Variants in MAP3K4 observed in about 807,000 individuals in gnomAD.
MAP3K4 encodes the protein MAP three kinase 1.
MAP3K4 carries 67 observed loss-of-function variants against 185.6 expected under a neutral mutation model. The ratio of observed to expected loss-of-function variants is 0.36; its 90% CI spans 0.30 to 0.44. The LOEUF (loss-of-function observed/expected upper bound fraction) is 0.44. MAP3K4 is among the 20% of genes least tolerant of loss of function. The pLI, the probability that MAP3K4 is intolerant of heterozygous loss-of-function variation, is 1.00. For missense variants in MAP3K4, 1,551 were observed against 1,995.1 expected, an observed-to-expected ratio of 0.78 and a Z score of 4.24; for synonymous variants, 702 against 710.4, an observed-to-expected ratio of 0.99 and a Z score of 0.19.
At position 161,073,875 on chromosome 6, in the gene MAP3K4, C is replaced by T. The variant is rs1400318656; in HGVS notation, c.2097+263C>T. On this transcript the variant is annotated intron_variant, in intron 5 of 26. Coordinates refer to ENST00000392142, the MANE Select transcript of MAP3K4 (RefSeq NM_005922.4). This position sits in a 1 kb window ranked among gnomAD's most constrained non-coding sequence, Gnocchi z 4.2. ...CTGAAATCCACATTTAAAAAATTCT[C>T]AATTGTTTTTAAGTTGGAAGTTTTT... Among the ~76,000 whole-genome samples the T allele has an allele frequency of 6.6e-6, 1 of 152,098 alleles. No homozygotes were observed. Among genetic ancestry groups the T allele is most frequent in the Non-Finnish European group, 1.5e-5 (1 of 68,018 alleles).
rs186779562 is a variant in MAP3K4 at position 161,024,695 on chromosome 6, A to G, written c.153-9564A>G. Among the ~76,000 whole-genome samples, 447 of 152,282 alleles carry G rather than the reference A, an allele frequency of 2.9e-3. 4 individuals carry two copies. Among genetic ancestry groups the G allele is most frequent in the African/African-American group, 0.01 (432 of 41,548 alleles). On this transcript the variant is annotated intron_variant, in intron 1 of 26. Transcript: ENST00000392142. ...ACCACAGAGATTAAGTGACCTTGTC[A>G]TCATATCATATCAGGGGCACGTGCT...
rs561540235 is a variant in MAP3K4, at chr6:161,035,790, C to T, written c.343+1341C>T. On this transcript the variant is annotated intron_variant, in intron 2 of 26. Coordinates refer to ENST00000392142, the MANE Select transcript of MAP3K4 (RefSeq NM_005922.4). ...AACATTAGTTAATAAATATTTGCTT[C>T]GTGTTAGTAAAGTAAGAAGATGCCG... Among the ~76,000 whole-genome samples, 182 of 152,264 alleles carry T rather than the reference C, an allele frequency of 1.2e-3. 1 individual carries two copies. The highest frequency in any genetic ancestry group is 4.1e-3 in the African/African-American group (171 of 41,532).
At position 161,106,554 on chromosome 6, in the gene MAP3K4, G is replaced by C. The variant is rs1333947349; in HGVS notation, c.3897G>C (p.Lys1299Asn). ...SKLGPIEAIQKSVRLFEEKRY... is the reference protein window; with the variant it reads ...SKLGPIEAIQNSVRLFEEKRY... ...TAGGACCCATAGAAGCTATCCAGAA[G>C]TCAGTCCGATTGTTTGAAGAAAAGA... The change falls in exon 20 of 27, where the codon AAG (lysine) becomes AAC (asparagine). Residue 1299 changes from lysine (K) to asparagine (N), a missense_variant. Around this residue, in one of 16 missense-constraint regions of MAP3K4, gnomAD observed 272 missense variants for 301.2 expected, o/e 0.90. Coordinates refer to ENST00000392142, the MANE Select transcript of MAP3K4 (RefSeq NM_005922.4). This position sits in a 1 kb window ranked among gnomAD's most constrained non-coding sequence, Gnocchi z 4.9. The C allele has an allele frequency of 1.2e-6, 2 of 1,613,636 alleles. No individual in the cohort carries two copies. Among genetic ancestry groups the C allele is most frequent in the Non-Finnish European group, 1.7e-6 (2 of 1,179,790 alleles).
intron 2 of MAP3K4, among the ~76,000 whole-genome samples, chr6:161,046,952 A>G (rs1333624686): frequency 1.4e-5 from 2 of 147,602 alleles, no homozygotes; most frequent in South Asian, 2.1e-4. Flanking sequence ...ATATTAATAT[A>G]TATAATAAAA....
Position 161,116,783 on chromosome 6 carries a change from T to C in MAP3K4, c.4807-67T>C. ...GATGGGGCCTTCCCCGTAAGACTCATACTGCGCGTATGCACAAGCACACAC... is the reference window on the plus strand; with the variant it reads ...GATGGGGCCTTCCCCGTAAGACTCACACTGCGCGTATGCACAAGCACACAC... On this transcript the variant is annotated intron_variant, in intron 26 of 26. Coordinates refer to ENST00000392142, the MANE Select transcript of MAP3K4 (RefSeq NM_005922.4). The surrounding 1 kb of genome is among the most constrained non-coding windows in gnomAD (Gnocchi z 6.2). 1 of 1,453,844 alleles carries C rather than the reference T, an allele frequency of 6.9e-7. No individual in the cohort carries two copies. Among genetic ancestry groups the C allele is most frequent in the Non-Finnish European group, 9.7e-7 (1 of 1,035,624 alleles). The allele number at this position is 1,453,844 out of a possible 1,614,324, so 90.1% of individuals were successfully genotyped here.
chr6:160,992,491 G>T (rs1319749928), intron 1 of MAP3K4: 1 of 210,844 alleles, frequency 4.7e-6, no homozygotes, highest in Non-Finnish European at 9.3e-6. Context: ...TCGAGTAAAA[G>T]AGACATTCGG....
rs937041661 is a variant in MAP3K4, at chr6:161,053,480, C to T, written c.1707+3501C>T. 6.6e-6 allele frequency among the ~76,000 whole-genome samples: 1 copy of T among 152,156 alleles called. No homozygotes were observed. Among genetic ancestry groups the T allele is most frequent in the Admixed American group, 6.5e-5 (1 of 15,272 alleles). ...TAACTGTAAATCCATATGGGTGCAA[C>T]TGTATTTTTATTTTTAAGATATCTT... On this transcript the variant is annotated intron_variant, in intron 3 of 26. Coordinates refer to ENST00000392142, the MANE Select transcript of MAP3K4 (RefSeq NM_005922.4). This position sits in a 1 kb window ranked among gnomAD's most constrained non-coding sequence, Gnocchi z 4.2.
In MAP3K4 at chr6:161,084,458, G is replaced by A. The variant is rs773792814; in HGVS notation, c.2256-43G>A. 1.1e-5 allele frequency: 10 copies of A among 920,362 alleles called. No individual in the cohort carries two copies. Among genetic ancestry groups the A allele is most frequent in the Middle Eastern group, 4.2e-4 (2 of 4,712 alleles). 57.0% of individuals were successfully genotyped at this position (920,362 alleles called of 1,614,324 possible). ...AGTCAAGAATTAGGCTATGAGTAGG[G>A]ACAGTTTTCTTCTCTGTTTTATTTT... On this transcript the variant is annotated intron_variant, in intron 6 of 26. Transcript: ENST00000392142. This position sits in a 1 kb window ranked among gnomAD's most constrained non-coding sequence, Gnocchi z 4.6.
At chr6:161,040,858 G>C (rs1306455423) in intron 2 of MAP3K4, among the ~76,000 whole-genome samples, 1 of 152,268 alleles carries the variant, frequency 6.6e-6, no homozygotes, top group Non-Finnish European at 1.5e-5. Flanking sequence ...GGGAGGCAGT[G>C]ACTCCTGTGA....
At chr6:161,011,956 C>T (rs1015327802) in intron 1 of MAP3K4, among the ~76,000 whole-genome samples, 6 of 152,290 alleles carry the variant, frequency 3.9e-5, no homozygotes, top group Non-Finnish European at 7.3e-5. Context: ...TTGGTACGGT[C>T]TCTGCCTAGT....
intron 1 of MAP3K4, among the ~76,000 whole-genome samples, chr6:161,033,768 T>A (rs1397956634): frequency 6.6e-6 from 1 of 152,152 alleles, no homozygotes; most frequent in Non-Finnish European, 1.5e-5. Flanking sequence ...AGCAAAGTGC[T>A]CCTATACATT....
chr6:161,095,801 C>T (rs1202524185), intron 15 of MAP3K4, among the ~76,000 whole-genome samples: 1 of 152,142 alleles, frequency 6.6e-6, no homozygotes, highest in African/African-American at 2.4e-5. Flanking sequence ...ATCCATTTTG[C>T]TTATTAGCTA....
chr6:161,035,336 T>G (rs889307973), intron 2 of MAP3K4, among the ~76,000 whole-genome samples: 6 of 152,206 alleles, frequency 3.9e-5, no homozygotes, highest in Non-Finnish European at 8.8e-5. Flanking sequence ...CTTTCTGTAG[T>G]CTGTGTTCAT....
At position 161,080,102 on chromosome 6, in the gene MAP3K4, G is replaced by A. The variant is rs1362807293; in HGVS notation, c.2098-779G>A. Among the ~76,000 whole-genome samples the A allele has an allele frequency of 5.9e-5, 9 of 152,192 alleles. No homozygotes were observed. ...TCACGCTGAGTCACACTCGGGGTTG[G>A]AAGGGAGTGGAGTGATGTCTGAAAA... On this transcript the variant is annotated intron_variant, in intron 5 of 26. Transcript: ENST00000392142. The surrounding 1 kb of genome is among the most constrained non-coding windows in gnomAD (Gnocchi z 4.8).
At chr6:161,010,763 A>G (rs1190803134) in intron 1 of MAP3K4, among the ~76,000 whole-genome samples, 2 of 152,276 alleles carry the variant, frequency 1.3e-5, no homozygotes, top group Non-Finnish European at 2.9e-5. Context: ...GATGTCTGAT[A>G]GAACCTACTT....
chr6:161,046,283 A>C (rs1203270145), intron 2 of MAP3K4, among the ~76,000 whole-genome samples: 2 of 152,192 alleles, frequency 1.3e-5, no homozygotes, highest in African/African-American at 2.4e-5. Context: ...GGTTAACCAA[A>C]TAGTATGTAT....
chr6:161,107,817 G>A lies in MAP3K4; in HGVS notation c.4049-82G>A. 1 of 896,124 alleles carries A rather than the reference G, an allele frequency of 1.1e-6. No homozygotes were observed. The highest frequency in any genetic ancestry group is 1.8e-6 in the Non-Finnish European group (1 of 552,506). 55.5% of individuals were successfully genotyped at this position (896,124 alleles called of 1,614,324 possible). On this transcript the variant is annotated intron_variant, in intron 20 of 26. Coordinates refer to ENST00000392142, the MANE Select transcript of MAP3K4 (RefSeq NM_005922.4). This position sits in a 1 kb window ranked among gnomAD's most constrained non-coding sequence, Gnocchi z 6.2. ...ATATAAATATACGTCCAAAATAATT[G>A]GACAGTATTATTACAAGTTTAAGGA...
intron 2 of MAP3K4, among the ~76,000 whole-genome samples, chr6:161,047,166 C>T (rs1356307963): frequency 7.1e-6 from 1 of 141,730 alleles, no homozygotes; most frequent in East Asian, 2.0e-4. Flanking sequence ...ATGGGCCAGG[C>T]ATAGTGGCTC....
intron 1 of MAP3K4, among the ~76,000 whole-genome samples, chr6:161,020,148 T>G (rs2115109786): frequency 6.6e-6 from 1 of 152,354 alleles, no homozygotes; most frequent in South Asian, 2.1e-4. Flanking sequence ...CATGTCACTG[T>G]GAGATATTTC....
Sources: gnomAD v4.1 joint callset for allele counts (sites outside exome capture counted in the v4.1 genomes callset) on GRCh38, gnomAD v4.1.1 for gene constraint, gnomAD v4.1.1 regional missense constraint, Gnocchi (gnomAD v3.1) non-coding constraint, MANE v1.5 for transcripts, NCBI Gene and HGNC (gene_info 2026-07-23, HGNC 2026-07-21) for gene names.